Variants in NTM observed in about 807,000 individuals in gnomAD.
NTM encodes the protein IgLON family member 2.
Under a neutral mutation model 42.1 loss-of-function variants are expected in NTM, and 13 were observed. The observed-to-expected ratio is 0.31, with a 90% CI of 0.20 to 0.49. The LOEUF (loss-of-function observed/expected upper bound fraction) is 0.49. NTM is among the 20% of genes least tolerant of loss of function. The probability of loss-of-function intolerance (pLI) is 0.99; values close to 1 mark genes in which losing one functional copy is unlikely to be tolerated. For synonymous variants in NTM, 187 were observed against 179.2 expected, an observed-to-expected ratio of 1.04 and a Z score of -0.35; for missense variants, 373 against 452.8, an observed-to-expected ratio of 0.82 and a Z score of 1.60.
intron 4 of NTM, among the ~76,000 whole-genome samples, chr11:132,264,399 T>C (rs1467943497): frequency 6.6e-6 from 1 of 152,244 alleles, no homozygotes; most frequent in Admixed American, 6.5e-5. Flanking sequence ...ATTATGGACG[T>C]TAACCCTTTT....
At chr11:131,591,917 T>G (rs1287333888) in intron 1 of NTM, among the ~76,000 whole-genome samples, 1 of 152,226 alleles carries the variant, frequency 6.6e-6, no homozygotes, top group Non-Finnish European at 1.5e-5. Context: ...TCTTGTGTTA[T>G]GCTCTGGGTA....
At chr11:131,689,878 C>T (rs1177390543) in intron 1 of NTM, among the ~76,000 whole-genome samples, 1 of 152,238 alleles carries the variant, frequency 6.6e-6, no homozygotes, top group East Asian at 1.9e-4. Context: ...TATTACTGGT[C>T]GTATACCTAT....
At chr11:132,304,405 A>G (rs1295296926) in intron 4 of NTM, among the ~76,000 whole-genome samples, 1 of 146,574 alleles carries the variant, frequency 6.8e-6, no homozygotes, top group Non-Finnish European at 1.5e-5. Context: ...TTTAAAGACT[A>G]TGCTTGCTTT....
At chr11:131,902,325 C>T (rs2053291905) in intron 1 of NTM, among the ~76,000 whole-genome samples, 4 of 152,186 alleles carry the variant, frequency 2.6e-5, no homozygotes, top group Admixed American at 2.6e-4. Context: ...GTATGTTTAT[C>T]TTCTTAAAAT....
At chr11:131,399,718 C>T (rs1944922154) in intron 1 of NTM, among the ~76,000 whole-genome samples, 1 of 152,134 alleles carries the variant, frequency 6.6e-6, no homozygotes, top group Non-Finnish European at 1.5e-5. Context: ...TGTTCTAATC[C>T]TTAGCGCCCA....
intron 1 of NTM, among the ~76,000 whole-genome samples, chr11:131,517,699 G>A (rs1040321022): frequency 2.6e-5 from 4 of 152,172 alleles, no homozygotes; most frequent in Admixed American, 6.5e-5. Flanking sequence ...CTAGTCCGCA[G>A]CATGGTCTTT....
At chr11:132,325,975 C>A (rs2095671141) in intron 7 of NTM, among the ~76,000 whole-genome samples, 1 of 146,640 alleles carries the variant, frequency 6.8e-6, no homozygotes, top group African/African-American at 2.5e-5. Context: ...AATGAGAACA[C>A]ATGGACACAG....
intron 1 of NTM, among the ~76,000 whole-genome samples, chr11:131,430,870 G>A (rs1415302415): frequency 2.6e-5 from 4 of 152,220 alleles, no homozygotes; most frequent in South Asian, 4.1e-4. Context: ...TCCTGGCAGC[G>A]TTCTGCGGGC....
chr11:131,875,583 C>T (rs1175031043), intron 1 of NTM, among the ~76,000 whole-genome samples: 1 of 152,214 alleles, frequency 6.6e-6, no homozygotes, highest in Non-Finnish European at 1.5e-5. Context: ...CCAAGGAAAT[C>T]AGAGACGCCT....
chr11:132,288,566 G>A (rs1318579086), intron 4 of NTM, among the ~76,000 whole-genome samples: 1 of 152,110 alleles, frequency 6.6e-6, no homozygotes, highest in Non-Finnish European at 1.5e-5. Flanking sequence ...TTCTTTTGTT[G>A]CCTTCCCATC....
chr11:132,295,623 C>G (rs1237501992), intron 4 of NTM, among the ~76,000 whole-genome samples: 3 of 152,098 alleles, frequency 2.0e-5, no homozygotes, highest in Non-Finnish European at 4.4e-5. Context: ...TGAAGGTGGA[C>G]AAAAGAGAAG....
chr11:132,220,322 C>T (rs930695455), intron 4 of NTM, among the ~76,000 whole-genome samples: 1 of 152,160 alleles, frequency 6.6e-6, no homozygotes, highest in African/African-American at 2.4e-5. Context: ...CAGAGGAAGA[C>T]ATTTATAGAT....
At chr11:132,117,520 A>ATG (rs1279086423) in intron 2 of NTM, among the ~76,000 whole-genome samples, 1 of 152,248 alleles carries the variant, frequency 6.6e-6, no homozygotes, top group Non-Finnish European at 1.5e-5. Context: ...TCTTATATAT[A>ATG]AAGCATTAAT....
chr11:131,848,479 G>T (rs975532796), intron 1 of NTM, among the ~76,000 whole-genome samples: 1 of 152,164 alleles, frequency 6.6e-6, no homozygotes, highest in African/African-American at 2.4e-5. Context: ...CTGCCTGCCA[G>T]GCTATGGGGA....
At chr11:131,624,651 A>G (rs1253317872) in intron 1 of NTM, among the ~76,000 whole-genome samples, 5 of 152,330 alleles carry the variant, frequency 3.3e-5, no homozygotes, top group Admixed American at 2.6e-4. Context: ...TTAACATTTT[A>G]CTAAGCATAG....
intron 2 of NTM, among the ~76,000 whole-genome samples, chr11:132,009,755 G>A (rs538451091): frequency 3.3e-5 from 5 of 152,186 alleles, no homozygotes; most frequent in East Asian, 3.8e-4. Flanking sequence ...GTCATGAGAC[G>A]TGATGGGTTA....
intron 1 of NTM, among the ~76,000 whole-genome samples, chr11:131,835,675 T>C (rs755644821): frequency 3.3e-5 from 5 of 152,310 alleles, no homozygotes; most frequent in Non-Finnish European, 7.4e-5. Flanking sequence ...GAAAATTATT[T>C]AGAGCTATTA....
At chr11:131,959,695 C>T (rs745722651) in intron 2 of NTM, among the ~76,000 whole-genome samples, 51 of 152,168 alleles carry the variant, frequency 3.4e-4, no homozygotes, top group Non-Finnish European at 6.3e-4. Flanking sequence ...ATCAACCACT[C>T]TGACTGATCA....
At chr11:131,862,399 C>A (rs1022740076) in intron 1 of NTM, among the ~76,000 whole-genome samples, 2 of 152,186 alleles carry the variant, frequency 1.3e-5, no homozygotes, top group African/African-American at 4.8e-5. Flanking sequence ...AACTGAGCAA[C>A]CCTATCCCAG....
Sources: allele counts gnomAD v4.1 joint callset (sites outside exome capture counted in the v4.1 genomes callset), GRCh38; gene constraint gnomAD v4.1.1; transcripts MANE v1.5; gene names NCBI Gene and HGNC (gene_info 2026-07-23, HGNC 2026-07-21).